DCC: variants seen among roughly 807,000 people sequenced by gnomAD.
DCC encodes the protein netrin receptor DCC.
Under a neutral mutation model 172.5 loss-of-function variants are expected in DCC, and 58 were observed. The ratio of observed to expected loss-of-function variants is 0.34; its 90% CI spans 0.27 to 0.42. The LOEUF (loss-of-function observed/expected upper bound fraction) is 0.42. Ranked by LOEUF, DCC falls within the 10% of genes least tolerant of loss-of-function variation. DCC has a pLI of 1.00. For synonymous variants in DCC, 709 were observed against 644.5 expected (o/e 1.10, Z -1.52); for missense variants, 1,740 against 1,791.0 (o/e 0.97, Z 0.51).
chr18:52,809,698 A>G (rs1235753122), intron 2 of DCC, among the ~76,000 whole-genome samples: 2 of 152,178 alleles, frequency 1.3e-5, no homozygotes, highest in Admixed American at 1.3e-4. Context: ...CTTGTGCCCT[A>G]ACAAACACAG....
At chr18:53,466,781 C>A (rs867371989) in intron 24 of DCC, among the ~76,000 whole-genome samples, 62 of 152,258 alleles carry the variant, frequency 4.1e-4, no homozygotes, top group African/African-American at 1.5e-3. Flanking sequence ...CCACTTTGGC[C>A]TCCCAAAGTG....
intron 1 of DCC, among the ~76,000 whole-genome samples, chr18:52,434,251 G>A (rs1598815130): frequency 6.6e-6 from 1 of 152,090 alleles, no homozygotes; most frequent in African/African-American, 2.4e-5. Context: ...GCTTTCCTGG[G>A]TACATTTGGC....
intron 15 of DCC, among the ~76,000 whole-genome samples, chr18:53,379,091 G>C (rs1339620506): frequency 6.6e-6 from 1 of 152,188 alleles, no homozygotes; most frequent in Non-Finnish European, 1.5e-5. Flanking sequence ...TGGGTCCAGT[G>C]GGGTCAAAGG....
At chr18:52,889,386 ATAAT>A (rs2039616187) in intron 2 of DCC, among the ~76,000 whole-genome samples, 2 of 152,124 alleles carry the variant, frequency 1.3e-5, no homozygotes, top group Admixed American at 1.3e-4. Flanking sequence ...CAGGCTTTCA[ATAAT>A]TAATCAGCCA....
chr18:53,184,273 T>C (rs1023499995), intron 9 of DCC, among the ~76,000 whole-genome samples: 3 of 152,150 alleles, frequency 2.0e-5, no homozygotes, highest in African/African-American at 2.4e-5. Flanking sequence ...TGAAGTCTTA[T>C]GAACAGAAAG....
At chr18:53,378,499 AT>A (rs920633679) in intron 15 of DCC, among the ~76,000 whole-genome samples, 1 of 152,120 alleles carries the variant, frequency 6.6e-6, no homozygotes, top group Non-Finnish European at 1.5e-5. Context: ...CTTTGGATTC[AT>A]TTTTTCACAC....
chr18:53,075,002 A>C (rs1381665763), intron 7 of DCC, among the ~76,000 whole-genome samples: 1 of 152,228 alleles, frequency 6.6e-6, no homozygotes, highest in Admixed American at 6.5e-5. Context: ...GTTAGCTATT[A>C]TGAAGTCTTT....
At position 53,205,202 on chromosome 18, in the gene DCC, A is replaced by T; in HGVS notation, c.1574-14A>T. 6.2e-7 allele frequency: 1 copy of T among 1,607,932 alleles called. No homozygotes were observed. Among genetic ancestry groups the T allele is most frequent in the Non-Finnish European group, 8.5e-7 (1 of 1,174,658 alleles). On this transcript the variant is annotated splice_polypyrimidine_tract_variant and intron_variant, in intron 9 of 28. Transcript: ENST00000442544. ...AATCACTTTTCTTTCTTTCTTTATT[A>T]TTTTTTTATACAGTGCAAGTTCCAG...
chr18:53,260,392 C>T (rs2056580868), intron 12 of DCC, among the ~76,000 whole-genome samples: 1 of 152,042 alleles, frequency 6.6e-6, no homozygotes, highest in African/African-American at 2.4e-5. Flanking sequence ...GTGTGGATGT[C>T]CTTTCTGTTT....
At chr18:52,729,537 G>A (rs2036603303) in intron 1 of DCC, among the ~76,000 whole-genome samples, 1 of 152,172 alleles carries the variant, frequency 6.6e-6, no homozygotes, top group African/African-American at 2.4e-5. Context: ...TGGGATTACA[G>A]GCCTGAGCCA....
At chr18:52,519,162 G>A (rs998814217) in intron 1 of DCC, among the ~76,000 whole-genome samples, 10 of 152,182 alleles carry the variant, frequency 6.6e-5, no homozygotes, top group Admixed American at 6.5e-5. Context: ...GTGTGGGAGA[G>A]CTCCAGAATG....
intron 2 of DCC, among the ~76,000 whole-genome samples, chr18:52,859,959 TAA>T (rs1311991006): frequency 1.8e-4 from 28 of 152,270 alleles, no homozygotes; most frequent in Non-Finnish European, 2.9e-4. Flanking sequence ...AATAAATAAA[TAA>T]ATACATTATT....
At chr18:52,497,575 T>C (rs2030850356) in intron 1 of DCC, among the ~76,000 whole-genome samples, 1 of 152,062 alleles carries the variant, frequency 6.6e-6, no homozygotes, top group South Asian at 2.1e-4. Context: ...TTCTTTTTTA[T>C]TCTAACCATC....
chr18:53,162,376 A>G (rs886624283), intron 8 of DCC, among the ~76,000 whole-genome samples: 1 of 152,102 alleles, frequency 6.6e-6, no homozygotes, highest in Non-Finnish European at 1.5e-5. Context: ...TCTTAAGTAC[A>G]ACCAAGTCTC....
intron 2 of DCC, among the ~76,000 whole-genome samples, chr18:52,806,766 G>T (rs1441527429): frequency 1.3e-5 from 2 of 152,148 alleles, no homozygotes; most frequent in South Asian, 2.1e-4. Context: ...GTGTCATTTA[G>T]TATGAATATT....
intron 12 of DCC, among the ~76,000 whole-genome samples, chr18:53,264,584 TC>T (rs1262642687): frequency 2.6e-5 from 4 of 151,746 alleles, no homozygotes; most frequent in Non-Finnish European, 5.9e-5. Context: ...TGATTAACGG[TC>T]CTCTTCCACA....
chr18:52,379,463 A>G (rs1163248867), intron 1 of DCC, among the ~76,000 whole-genome samples: 1 of 152,042 alleles, frequency 6.6e-6, no homozygotes, highest in East Asian at 1.9e-4. Flanking sequence ...CCACGTATTT[A>G]ATTTGTTCTG....
At chr18:52,962,318 A>G (rs1309832636) in intron 5 of DCC, among the ~76,000 whole-genome samples, 1 of 151,912 alleles carries the variant, frequency 6.6e-6, no homozygotes, top group Non-Finnish European at 1.5e-5. Flanking sequence ...ACTTCTCAAA[A>G]GAAGACATTT....
intron 21 of DCC, among the ~76,000 whole-genome samples, chr18:53,424,069 C>T (rs1466206684): frequency 1.3e-5 from 2 of 152,104 alleles, no homozygotes; most frequent in Admixed American, 1.3e-4. Context: ...AAAATAAATG[C>T]TAAATAGAAA....
Sources: allele counts gnomAD v4.1 joint callset (sites outside exome capture counted in the v4.1 genomes callset), GRCh38; gene constraint gnomAD v4.1.1; transcripts MANE v1.5; gene names NCBI Gene and HGNC (gene_info 2026-07-23, HGNC 2026-07-21).